The following PTN variants were observed in gnomAD, a reference collection of about 807,000 sequenced individuals.
PTN encodes the protein heparin affin regulatory protein.
Under a neutral mutation model 24.1 loss-of-function variants are expected in PTN, and 18 were observed. The observed-to-expected ratio is 0.75, with a 90% CI of 0.52 to 1.11. PTN has a LOEUF of 1.11. Ranked by LOEUF, PTN falls within the 50% of genes least tolerant of loss-of-function variation. The pLI is 0.00. For missense variants in PTN, 163 were observed against 198.8 expected, an observed-to-expected ratio of 0.82 and a Z score of 1.08; for synonymous variants, 78 against 68.6, an observed-to-expected ratio of 1.14 and a Z score of -0.67.
intron 4 of PTN, among the ~76,000 whole-genome samples, chr7:137,241,611 T>C (rs1408027349): frequency 2.6e-5 from 4 of 152,184 alleles, no homozygotes; most frequent in African/African-American, 9.6e-5. Flanking sequence ...GTATATTCAC[T>C]GTCAACTCTA....
chr7:137,330,156 A>G (rs968695399), intron 1 of PTN, among the ~76,000 whole-genome samples: 1 of 152,008 alleles, frequency 6.6e-6, no homozygotes, highest in Non-Finnish European at 1.5e-5. Context: ...GTGTGGTAAC[A>G]TGGGCCTGTA....
chr7:137,297,534 C>T (rs1809737875), intron 1 of PTN, among the ~76,000 whole-genome samples: 2 of 152,002 alleles, frequency 1.3e-5, no homozygotes, highest in East Asian at 1.9e-4. Context: ...AGATTTACCA[C>T]CTTTGGATCT....
chr7:137,289,652 C>T (rs971835481), intron 1 of PTN, among the ~76,000 whole-genome samples: 2 of 152,070 alleles, frequency 1.3e-5, no homozygotes, highest in African/African-American at 2.4e-5. Flanking sequence ...GGAGGGATCA[C>T]GTGGCAAGGA....
intron 1 of PTN, among the ~76,000 whole-genome samples, chr7:137,310,131 C>T (rs548532037): frequency 6.6e-6 from 1 of 152,176 alleles, no homozygotes; most frequent in Non-Finnish European, 1.5e-5. Context: ...AATCCTGATA[C>T]ATTTCCATCA....
chr7:137,340,560 C>T (rs1421444100), intron 1 of PTN, among the ~76,000 whole-genome samples: 1 of 152,192 alleles, frequency 6.6e-6, no homozygotes, highest in Non-Finnish European at 1.5e-5. Flanking sequence ...AAAAGCAAGC[C>T]CAGCTCATAA....
intron 1 of PTN, among the ~76,000 whole-genome samples, chr7:137,309,893 T>C (rs964615579): frequency 6.6e-6 from 1 of 152,342 alleles, no homozygotes. Flanking sequence ...TAATGTTATT[T>C]TGACCTCCTC....
intron 4 of PTN, among the ~76,000 whole-genome samples, chr7:137,228,322 G>T (rs1808369632): frequency 6.6e-6 from 1 of 151,706 alleles, no homozygotes; most frequent in Admixed American, 6.6e-5. Flanking sequence ...GAGGAACATA[G>T]CCTGCTTCTG....
chr7:137,253,219 G>T lies in PTN; in HGVS notation c.289+245C>A, dbSNP rs12111796. ...CATTTTTAGTTTTCACATCTGGAGC[G>T]GGTGAGGAATGCTACCGGAAACTAG... On this transcript the variant is annotated intron_variant, in intron 3 of 4. Transcript: ENST00000348225. Among the ~76,000 whole-genome samples the T allele has an allele frequency of 5.9e-5, 9 of 152,072 alleles. No individual in the cohort carries two copies. In the East Asian group the frequency reaches 1.7e-3, roughly 29 times the overall value.
chr7:137,298,317 A>G (rs553970624), intron 1 of PTN, among the ~76,000 whole-genome samples: 1 of 152,096 alleles, frequency 6.6e-6, no homozygotes, highest in African/African-American at 2.4e-5. Context: ...TATTGACCTG[A>G]AACTGTCCAA....
chr7:137,254,965 A>T lies in PTN; in HGVS notation c.9T>A (p.Ala3=). MQ[A]QQYQQQRRKF... The stretch of plus-strand genomic sequence containing the variant: ...TTCGACGCTGCTGCTGGTACTGTTG[A>T]GCCTGCATTCTAGGAATAAACAGAG... Residue 3 remains alanine, a synonymous_variant, in exon 2 of 5, where the codon GCT becomes GCA. Coordinates refer to ENST00000348225, the MANE Select transcript of PTN (RefSeq NM_002825.7). 1 of 1,541,694 alleles carries T rather than the reference A, an allele frequency of 6.5e-7. No homozygotes were observed. The highest frequency in any genetic ancestry group is 8.9e-7 in the Non-Finnish European group (1 of 1,128,272).
intron 4 of PTN, among the ~76,000 whole-genome samples, chr7:137,230,362 T>G (rs996579567): frequency 1.3e-5 from 2 of 151,818 alleles, no homozygotes; most frequent in Non-Finnish European, 2.9e-5. Flanking sequence ...AAATCAACAA[T>G]TTGCTTATTA....
chr7:137,325,821 T>C (rs1000988389), intron 1 of PTN: 14 of 152,190 alleles, frequency 9.2e-5, no homozygotes, highest in African/African-American at 2.9e-4. Context: ...ACATCTAAAA[T>C]GCAGTTACTG....
intron 1 of PTN, among the ~76,000 whole-genome samples, chr7:137,290,559 G>A (rs1809623824): frequency 6.6e-6 from 1 of 152,066 alleles, no homozygotes; most frequent in Non-Finnish European, 1.5e-5. Flanking sequence ...TAATGCTTTA[G>A]AGTGTCCAAT....
At chr7:137,333,030 T>C (rs1447842631) in intron 1 of PTN, among the ~76,000 whole-genome samples, 1 of 152,162 alleles carries the variant, frequency 6.6e-6, no homozygotes, top group African/African-American at 2.4e-5. Flanking sequence ...TGGTGCCAGA[T>C]GGGAAGAGTT....
chr7:137,237,787 T>C (rs77875886), intron 4 of PTN, among the ~76,000 whole-genome samples: 1 of 152,160 alleles, frequency 6.6e-6, no homozygotes, highest in East Asian at 1.9e-4. Context: ...CTGAAGATCT[T>C]TCTCTATACT....
chr7:137,247,435 T>C (rs111963631), intron 4 of PTN, among the ~76,000 whole-genome samples: 5,021 of 152,268 alleles, frequency 0.033, 117 homozygotes, highest in Non-Finnish European at 0.048. Flanking sequence ...AAACATTGCG[T>C]GTACTCACTT....
chr7:137,246,561 G>T (rs979187112), intron 4 of PTN, among the ~76,000 whole-genome samples: 1 of 152,092 alleles, frequency 6.6e-6, no homozygotes, highest in Non-Finnish European at 1.5e-5. Flanking sequence ...TAATTCTCAT[G>T]TTTGAAATAA....
intron 1 of PTN, among the ~76,000 whole-genome samples, chr7:137,310,447 G>A (rs1481945183): frequency 6.7e-6 from 1 of 149,604 alleles, no homozygotes; most frequent in African/African-American, 2.5e-5. Context: ...CACCAGGCTG[G>A]AGTGCAGTGG....
At chr7:137,269,218 C>A (rs1457470963) in intron 1 of PTN, among the ~76,000 whole-genome samples, 2 of 152,136 alleles carry the variant, frequency 1.3e-5, no homozygotes, top group Non-Finnish European at 2.9e-5. Context: ...GAGATTTTCA[C>A]GTTCTGTTCT....
Sources: gnomAD v4.1 joint callset for allele counts (sites outside exome capture counted in the v4.1 genomes callset) on GRCh38, gnomAD v4.1.1 for gene constraint, MANE v1.5 for transcripts, NCBI Gene and HGNC (gene_info 2026-07-23, HGNC 2026-07-21) for gene names.